Variants in SAXO1 observed in about 807,000 individuals in gnomAD.
SAXO1 encodes the protein 4930500O09Rik.
Under a neutral mutation model 17.5 loss-of-function variants are expected in SAXO1, and 21 were observed. The ratio of observed to expected loss-of-function variants is 1.20; its 90% confidence interval spans 0.85 to 1.72. SAXO1 has a LOEUF of 1.72. Ranked by LOEUF, SAXO1 falls within the 40% of genes most tolerant of loss-of-function variation. SAXO1 has a pLI of 0.00. For missense variants in SAXO1, 843 were observed against 596.0 expected, an observed-to-expected ratio of 1.41 and a Z score of -4.32; for synonymous variants, 274 against 216.5, an observed-to-expected ratio of 1.27 and a Z score of -2.33.
intron 2 of SAXO1, 92 bp downstream of exon 2, chr9:18,950,666 A>T: frequency 8.9e-7 from 1 of 1,118,882 alleles, no homozygotes. Context: ...ATGCATTAGC[A>T]CTGCACATTA....
intron 1 of SAXO1, among the ~76,000 whole-genome samples, chr9:19,044,227 G>T (rs1403856682): frequency 6.6e-6 from 1 of 151,950 alleles, no homozygotes; most frequent in East Asian, 1.9e-4. Context: ...TGATTATTAT[G>T]CCTTGCATGC....
intron 1 of SAXO1, among the ~76,000 whole-genome samples, chr9:18,971,050 A>C (rs1183904848): frequency 6.6e-6 from 1 of 152,018 alleles, no homozygotes; most frequent in Non-Finnish European, 1.5e-5. Context: ...TGTCCCCTCA[A>C]ACCCCCAACC....
chr9:18,956,662 T>C (rs1321160851), intron 1 of SAXO1, among the ~76,000 whole-genome samples: 1 of 152,214 alleles, frequency 6.6e-6, no homozygotes, highest in South Asian at 2.1e-4. Context: ...AATCTTCTCC[T>C]CTTTAATCTG....
Position 19,013,126 on chromosome 9 carries a change from C to T in SAXO1, c.38+19745G>A, listed in dbSNP as rs578237828. 7.2e-5 allele frequency among the ~76,000 whole-genome samples: 11 copies of T among 151,820 alleles called. No homozygotes were observed. The South Asian group carries it at 2.1e-3, about 29-fold the overall frequency. ...CTTCCAGATAGATCCTGGAGGGGAA[C>T]CACACCAAAAAAAAAAGGAATTTGT... On this transcript the variant is annotated intron_variant, in intron 1 of 3. Coordinates refer to ENST00000380534, the MANE Select transcript of SAXO1 (RefSeq NM_153707.4).
At chr9:18,983,045 G>A (rs992944584) in intron 1 of SAXO1, among the ~76,000 whole-genome samples, 12 of 151,938 alleles carry the variant, frequency 7.9e-5, no homozygotes, top group Middle Eastern at 6.8e-3. Flanking sequence ...TTAGCCAGAC[G>A]GACCATTAGC....
At chr9:18,964,461 G>A (rs986195101) in intron 1 of SAXO1, among the ~76,000 whole-genome samples, 6 of 152,140 alleles carry the variant, frequency 3.9e-5, no homozygotes, top group African/African-American at 9.7e-5. Flanking sequence ...CTTGTTATTG[G>A]TCTATTCAGG....
chr9:18,938,830 G>GTGTGTGTGTGTATA (rs60025974), intron 3 of SAXO1, among the ~76,000 whole-genome samples: 4 of 147,766 alleles, frequency 2.7e-5, no homozygotes, highest in African/African-American at 1.0e-4. Context: ...GCGTGTGTGT[G>GTGTGTGTGTGTATA]TGTGTGTGTG....
At chr9:18,977,498 T>C (rs150069446) in intron 1 of SAXO1, among the ~76,000 whole-genome samples, 103 of 152,288 alleles carry the variant, frequency 6.8e-4, no homozygotes, top group African/African-American at 2.4e-3. Flanking sequence ...AGATCTTTCG[T>C]TCGGTGAGAT....
Position 18,968,269 on chromosome 9 carries a change from T to C in SAXO1, c.39-17332A>G, listed in dbSNP as rs140744944. Among the ~76,000 whole-genome samples, 921 of 152,318 alleles carry C rather than the reference T, an allele frequency of 6.0e-3. 10 individuals carry two copies. Among genetic ancestry groups the C allele is most frequent in the African/African-American group, 0.021 (890 of 41,560 alleles). On this transcript the variant is annotated intron_variant, in intron 1 of 3. Coordinates refer to ENST00000380534, the MANE Select transcript of SAXO1 (RefSeq NM_153707.4). ...CATGTTGGCCAGGCTGGTCTCGAACTCTTGGGCTCAAGCAATCCACCTGCC... is the reference window on the plus strand; with the variant it reads ...CATGTTGGCCAGGCTGGTCTCGAACCCTTGGGCTCAAGCAATCCACCTGCC...
At chr9:18,929,549 C>T (rs1044600563) in intron 3 of SAXO1, among the ~76,000 whole-genome samples, 1 of 152,224 alleles carries the variant, frequency 6.6e-6, no homozygotes, top group African/African-American at 2.4e-5. Flanking sequence ...CACTGTGTCC[C>T]TGTAATCCTC....
At chr9:19,027,406 G>A (rs1416314449) in intron 1 of SAXO1, 1 of 759,420 alleles carries the variant, frequency 1.3e-6, no homozygotes, top group Non-Finnish European at 2.4e-6. Context: ...CAGTGACACT[G>A]GGGGCTTGGA....
chr9:19,031,517 C>T (rs927858321), intron 1 of SAXO1, among the ~76,000 whole-genome samples: 2 of 152,218 alleles, frequency 1.3e-5, no homozygotes, highest in Admixed American at 1.3e-4. Context: ...AGCGAGATGG[C>T]ACCACTGCAC....
At chr9:19,027,853 C>T (rs1835565745) in intron 1 of SAXO1, 1 of 1,387,646 alleles carries the variant, frequency 7.2e-7, no homozygotes, top group East Asian at 2.3e-5. Flanking sequence ...TCCTGGACCC[C>T]GCCCTGCTAC....
chr9:18,967,329 G>A (rs976453627), intron 1 of SAXO1, among the ~76,000 whole-genome samples: 5 of 152,214 alleles, frequency 3.3e-5, no homozygotes, highest in African/African-American at 9.7e-5. Flanking sequence ...ATTTAAGTCT[G>A]CTGAAGCTGC....
chr9:19,011,534 C>G (rs1834730361), intron 1 of SAXO1, among the ~76,000 whole-genome samples: 1 of 152,192 alleles, frequency 6.6e-6, no homozygotes, highest in African/African-American at 2.4e-5. Flanking sequence ...GAGCTAAACC[C>G]TAAATTGTAG....
At chr9:19,000,972 C>G (rs1350386428) in intron 1 of SAXO1, among the ~76,000 whole-genome samples, 2 of 152,266 alleles carry the variant, frequency 1.3e-5, no homozygotes, top group East Asian at 3.9e-4. Context: ...CACTTAGACT[C>G]CCACACAATA....
rs185526880 is a variant in SAXO1, at chr9:18,945,951, C to A, written c.219-4112G>T. Among the ~76,000 whole-genome samples the A allele has an allele frequency of 1.3e-4, 20 of 152,222 alleles. No individual in the cohort carries two copies. In the East Asian group the frequency reaches 3.9e-3, roughly 29 times the overall value. ...AAGGGAGGGCAGCTAAAAGGCAGAT[C>A]TTTTAGGTAATCACCTTTTCTTGAC... On this transcript the variant is annotated intron_variant, in intron 2 of 3. Coordinates refer to ENST00000380534, the MANE Select transcript of SAXO1 (RefSeq NM_153707.4).
intron 2 of SAXO1, among the ~76,000 whole-genome samples, chr9:18,949,459 A>T (rs1831931506): frequency 6.6e-6 from 1 of 152,148 alleles, no homozygotes; most frequent in Admixed American, 6.5e-5. Context: ...CTTGTTTTAA[A>T]AAAAAAATTT....
chr9:19,038,773 T>G (rs1403761822), intron 1 of SAXO1, among the ~76,000 whole-genome samples: 6 of 151,364 alleles, frequency 4.0e-5, no homozygotes, highest in Admixed American at 2.6e-4. Flanking sequence ...AAAAAAAGAA[T>G]AAATGGCTGT....
Sources: allele counts gnomAD v4.1 joint callset (sites outside exome capture counted in the v4.1 genomes callset), GRCh38; gene constraint gnomAD v4.1.1; transcripts MANE v1.5; gene names NCBI Gene and HGNC (gene_info 2026-07-23, HGNC 2026-07-21).